Variants in MYOCD observed in about 807,000 individuals in gnomAD.
MYOCD encodes myocardin.
A neutral mutation model predicts 96.1 loss-of-function variants in MYOCD; 32 were observed. That is an observed-to-expected ratio of 0.33 (90% CI 0.25 to 0.45). The LOEUF (loss-of-function observed/expected upper bound fraction) is 0.45. MYOCD is among the 20% of genes least tolerant of loss of function. The probability of loss-of-function intolerance (pLI) is 1.00; values close to 1 mark genes in which losing one functional copy is unlikely to be tolerated. For missense variants in MYOCD, 1,133 were observed against 1,200.6 expected (o/e 0.94, Z 0.83); for synonymous variants, 469 against 469.0 (o/e 1.00, Z 0.00).
chr17:12,678,543 A>C (rs1333737749), intron 1 of MYOCD, among the ~76,000 whole-genome samples: 1 of 152,164 alleles, frequency 6.6e-6, no homozygotes, highest in African/African-American at 2.4e-5. Flanking sequence ...CCAAAGAGAG[A>C]GAGAGAGAGA....
At chr17:12,685,913 A>C (rs1272911966) in intron 1 of MYOCD, among the ~76,000 whole-genome samples, 1 of 152,226 alleles carries the variant, frequency 6.6e-6, no homozygotes, top group African/African-American at 2.4e-5. Context: ...ACACGAATGC[A>C]TGAGCACCAG....
chr17:12,708,624 T>A (rs570324868), intron 2 of MYOCD, among the ~76,000 whole-genome samples: 1 of 152,066 alleles, frequency 6.6e-6, no homozygotes, highest in Non-Finnish European at 1.5e-5. Context: ...AACTCCTGAC[T>A]TCGTGATCCA....
chr17:12,698,814 C>T (rs1164657186), intron 1 of MYOCD, among the ~76,000 whole-genome samples: 3 of 133,816 alleles, frequency 2.2e-5, no homozygotes, highest in East Asian at 4.9e-4. Flanking sequence ...GTGATCTCAG[C>T]TCACTGCAAG....
intron 5 of MYOCD, among the ~76,000 whole-genome samples, chr17:12,731,118 G>A (rs2032158674): frequency 6.6e-6 from 1 of 152,150 alleles, no homozygotes; most frequent in African/African-American, 2.4e-5. Flanking sequence ...GCGTCTGCAG[G>A]GACAATAGCC....
At position 12,768,602 on chromosome 17, in the gene MYOCD, T is replaced by A. The variant is rs181616584; in HGVS notation, c.*4958T>A. 6.6e-6 allele frequency: 1 copy of A among 152,314 alleles called. No individual in the cohort carries two copies. The highest frequency in any genetic ancestry group is 1.9e-4 in the East Asian group (1 of 5,184). 9.4% of individuals were successfully genotyped at this position (152,314 alleles called of 1,614,324 possible). A position where few individuals can be genotyped will look rare whatever the true frequency, so the allele number is the denominator to read the frequency against. On this transcript the variant is annotated 3_prime_UTR_variant, in exon 14 of 14. Coordinates refer to ENST00000425538, the MANE Select transcript of MYOCD (RefSeq NM_001146312.3). ...GGGATGCTGGAAGCTTTTTTAATGT[T>A]TTCCAAAGGAAAGGAACCCACACTG...
intron 5 of MYOCD, among the ~76,000 whole-genome samples, chr17:12,729,402 G>C (rs1323579066): frequency 6.6e-6 from 1 of 152,012 alleles, no homozygotes; most frequent in Non-Finnish European, 1.5e-5. Context: ...CTGCCGCCCT[G>C]TGAAGTAAGG....
intron 1 of MYOCD, chr17:12,672,206 A>G (rs1252421887): frequency 6.6e-6 from 1 of 152,228 alleles, no homozygotes; most frequent in Non-Finnish European, 1.5e-5. Context: ...AAAGAAGGAA[A>G]TTAGTGAACC....
chr17:12,729,076 G>A (rs1201068182), intron 5 of MYOCD, among the ~76,000 whole-genome samples: 3 of 152,192 alleles, frequency 2.0e-5, no homozygotes, highest in Middle Eastern at 3.2e-3. Context: ...TCATTTTGAA[G>A]GCAGCTAGAT....
intron 5 of MYOCD, among the ~76,000 whole-genome samples, chr17:12,727,210 C>T (rs746891617): frequency 3.3e-5 from 5 of 152,150 alleles, no homozygotes; most frequent in Non-Finnish European, 7.4e-5. Flanking sequence ...GCAGAAGATA[C>T]AGGGTGACTT....
In MYOCD at chr17:12,739,291, C is replaced by G. The variant is rs767451504; in HGVS notation, c.680C>G (p.Pro227Arg). The G allele has an allele frequency of 4.4e-6, 7 of 1,608,264 alleles. No homozygotes were observed. Among genetic ancestry groups the G allele is most frequent in the Non-Finnish European group, 5.1e-6 (6 of 1,177,704 alleles). ...QSDAGKQGLG[P>R]PSTPIAVHAA... Reference sequence around the variant, plus strand: ...GATGCGGGGAAGCAGGGGCTTGGCCCCCCCAGCACCCCCATAGCCGTGCAT... The same window carrying G: ...GATGCGGGGAAGCAGGGGCTTGGCCGCCCCAGCACCCCCATAGCCGTGCAT... The change falls in exon 7 of 14, where the codon CCC (proline) becomes CGC (arginine). Residue 227 changes from proline (P) to arginine (R), a missense_variant. Pro to Arg is a moderately radical substitution (Grantham distance 103). Coordinates refer to ENST00000425538, the MANE Select transcript of MYOCD (RefSeq NM_001146312.3).
intron 7 of MYOCD, 117 bp downstream of exon 7, chr17:12,739,445 G>A: frequency 8.1e-7 from 1 of 1,235,000 alleles, no homozygotes; most frequent in Non-Finnish European, 1.1e-6. Context: ...GAGGACCCAG[G>A]CAGAGGTTCA....
chr17:12,688,517 C>CCCTTCCATCTTCTTCCTTCCTT (rs1206974059), intron 1 of MYOCD, among the ~76,000 whole-genome samples: 2 of 137,250 alleles, frequency 1.5e-5, no homozygotes, highest in Non-Finnish European at 3.1e-5. Context: ...TCCATCTCCT[C>CCCTTCCATCTTCTTCCTTCCTT]CCTTCCATCT....
At chr17:12,761,059 C>T in intron 13 of MYOCD, 1 of 191,568 alleles carries the variant, frequency 5.2e-6, no homozygotes, top group Non-Finnish European at 1.1e-5. Flanking sequence ...AAGAAAAAAG[C>T]AGATAATGAA....
intron 1 of MYOCD, among the ~76,000 whole-genome samples, chr17:12,690,935 T>C (rs1241513047): frequency 6.6e-6 from 1 of 152,246 alleles, no homozygotes; most frequent in South Asian, 2.1e-4. Context: ...TAATTCCAGA[T>C]GAGCAATCCC....
At chr17:12,707,607 G>A (rs890296658) in intron 2 of MYOCD, among the ~76,000 whole-genome samples, 5 of 152,104 alleles carry the variant, frequency 3.3e-5, no homozygotes, top group Admixed American at 1.3e-4. Context: ...CCAGCTACTC[G>A]GGAGGCTGAG....
chr17:12,687,733 CAAGTAGGGGGCACAAAT>C (rs1215762439), intron 1 of MYOCD, among the ~76,000 whole-genome samples: 1 of 152,046 alleles, frequency 6.6e-6, no homozygotes, highest in Non-Finnish European at 1.5e-5. Flanking sequence ...GAGGTTGCAG[CAAGTAGGGGGCACAAAT>C]AGGTCAAGCA....
At position 12,766,808 on chromosome 17, in the gene MYOCD, C is replaced by G. The variant is rs12150137; in HGVS notation, c.*3164C>G. On this transcript the variant is annotated 3_prime_UTR_variant, in exon 14 of 14. Coordinates refer to ENST00000425538, the MANE Select transcript of MYOCD (RefSeq NM_001146312.3). ...ACTTGAAGACATTTGCAGCTATCTG[C>G]TGCAGTCTGGTAGATTCATACTTAT... The G allele has an allele frequency of 6.6e-6, 1 of 152,058 alleles. No individual in the cohort carries two copies. Among genetic ancestry groups the G allele is most frequent in the Non-Finnish European group, 1.5e-5 (1 of 68,010 alleles). 9.4% of individuals were successfully genotyped at this position (152,058 alleles called of 1,614,324 possible).
intron 1 of MYOCD, among the ~76,000 whole-genome samples, chr17:12,702,834 C>T (rs568112460): frequency 6.6e-6 from 1 of 152,006 alleles, no homozygotes; most frequent in South Asian, 2.1e-4. Flanking sequence ...TCACTGTAAT[C>T]TGTATTACAT....
At chr17:12,680,906 C>T (rs1051256652) in intron 1 of MYOCD, among the ~76,000 whole-genome samples, 2 of 152,100 alleles carry the variant, frequency 1.3e-5, no homozygotes. Flanking sequence ...ATGAGGTTCC[C>T]TACACCCCAA....
Sources: gnomAD v4.1 joint callset for allele counts (sites outside exome capture counted in the v4.1 genomes callset) on GRCh38, gnomAD v4.1.1 for gene constraint, MANE v1.5 for transcripts, NCBI Gene and HGNC (gene_info 2026-07-23, HGNC 2026-07-21) for gene names.